MSRA: variants seen among roughly 807,000 people sequenced by gnomAD.
MSRA encodes the protein methionine sulfoxide reductase A.
Under a neutral mutation model 31.3 loss-of-function variants are expected in MSRA, and 54 were observed. The observed-to-expected ratio is 1.73, with a 90% CI of 1.39 to 2.17. The LOEUF is 2.17. MSRA is among the 30% of genes most tolerant of loss of function. MSRA has a pLI of 0.00. For synonymous variants in MSRA, 169 were observed against 116.5 expected, an observed-to-expected ratio of 1.45 and a Z score of -2.90; for missense variants, 507 against 300.9, an observed-to-expected ratio of 1.69 and a Z score of -5.07.
intron 5 of MSRA, among the ~76,000 whole-genome samples, chr8:10,347,482 G>A (rs148123497): frequency 8.5e-4 from 130 of 152,278 alleles, no homozygotes; most frequent in Non-Finnish European, 1.6e-3. Flanking sequence ...GCAGCTATCA[G>A]TGGGTCCCCA....
At chr8:10,073,704 A>C (rs1797852706) in intron 1 of MSRA, among the ~76,000 whole-genome samples, 1 of 152,102 alleles carries the variant, frequency 6.6e-6, no homozygotes, top group South Asian at 2.1e-4. Context: ...GGGAGGATGG[A>C]TAGATGTAGA....
intron 5 of MSRA, among the ~76,000 whole-genome samples, chr8:10,331,817 C>T (rs1397234411): frequency 3.3e-5 from 5 of 152,148 alleles, no homozygotes; most frequent in Admixed American, 2.6e-4. Context: ...TAATACAATG[C>T]ACATACTATT....
chr8:10,202,764 G>A (rs567248355), intron 1 of MSRA, among the ~76,000 whole-genome samples: 4 of 152,184 alleles, frequency 2.6e-5, no homozygotes, highest in Admixed American at 2.6e-4. Context: ...GTTATGTACT[G>A]GACACTGTTC....
At chr8:10,278,409 G>A (rs1323560186) in intron 3 of MSRA, among the ~76,000 whole-genome samples, 2 of 152,228 alleles carry the variant, frequency 1.3e-5, no homozygotes, top group African/African-American at 2.4e-5. Flanking sequence ...TCTTGTTCAT[G>A]TAACAACCAA....
chr8:10,315,431 G>A (rs1427882891), intron 4 of MSRA, among the ~76,000 whole-genome samples: 1 of 152,174 alleles, frequency 6.6e-6, no homozygotes, highest in Non-Finnish European at 1.5e-5. Flanking sequence ...CATTAGTGGT[G>A]GTGATGTGAG....
intron 5 of MSRA, among the ~76,000 whole-genome samples, chr8:10,390,854 T>C (rs1382484198): frequency 6.6e-6 from 1 of 152,070 alleles, no homozygotes; most frequent in East Asian, 1.9e-4. Flanking sequence ...CAGGCGCCTG[T>C]AGTCCCACCT....
chr8:10,296,484 C>T (rs999097647), intron 3 of MSRA, among the ~76,000 whole-genome samples: 7 of 152,108 alleles, frequency 4.6e-5, no homozygotes, highest in Middle Eastern at 3.2e-3. Flanking sequence ...GTAGGACACC[C>T]GGGATCACAG....
At chr8:10,275,998 G>C (rs1799300419) in intron 3 of MSRA, among the ~76,000 whole-genome samples, 1 of 152,230 alleles carries the variant, frequency 6.6e-6, no homozygotes, top group African/African-American at 2.4e-5. Flanking sequence ...GGGGGTTTAA[G>C]TTCCTTCTGT....
chr8:10,428,388 A>G lies in MSRA; in HGVS notation c.*76A>G. On this transcript the variant is annotated 3_prime_UTR_variant, in exon 6 of 6. Coordinates refer to ENST00000317173, the MANE Select transcript of MSRA (RefSeq NM_012331.5). ...AAATTGGGCAATGCTTGTGTGATTC[A>G]CAATCGTGGCATTTAAAGTGCACAA... The G allele has an allele frequency of 6.7e-7, 1 of 1,481,918 alleles. No homozygotes were observed. The highest frequency in any genetic ancestry group is 9.3e-7 in the Non-Finnish European group (1 of 1,078,408). The allele number at this position is 1,481,918 out of a possible 1,614,324, so 91.8% of individuals were successfully genotyped here.
At chr8:10,182,747 G>C (rs1324625983) in intron 1 of MSRA, among the ~76,000 whole-genome samples, 2 of 152,166 alleles carry the variant, frequency 1.3e-5, no homozygotes, top group Admixed American at 6.5e-5. Context: ...GCCACACCCA[G>C]TTTTTTGTCA....
At chr8:10,229,239 C>CT (rs66944685) in intron 2 of MSRA, among the ~76,000 whole-genome samples, 1 of 52,224 alleles carries the variant, frequency 1.9e-5, no homozygotes, top group Non-Finnish European at 1.1e-4. Context: ...TGATACTGAG[C>CT]AGGAGATGGT....
At chr8:10,213,966 G>A (rs747631386) in intron 2 of MSRA, among the ~76,000 whole-genome samples, 105 of 152,228 alleles carry the variant, frequency 6.9e-4, no homozygotes, top group Non-Finnish European at 6.9e-4. Flanking sequence ...TTGATACCAA[G>A]CAGCAACAGC....
intron 1 of MSRA, among the ~76,000 whole-genome samples, chr8:10,139,004 G>A (rs1461138278): frequency 6.6e-6 from 1 of 152,150 alleles, no homozygotes; most frequent in Non-Finnish European, 1.5e-5. Context: ...CTCTGTGTTG[G>A]GTGTTACATT....
intron 3 of MSRA, chr8:10,250,491 A>G (rs1226365237): frequency 1.4e-6 from 1 of 701,986 alleles, no homozygotes. Context: ...GCCAAGTGGC[A>G]CTGAATCCAG....
chr8:10,392,694 T>G (rs367940818), intron 5 of MSRA, among the ~76,000 whole-genome samples: 1 of 131,280 alleles, frequency 7.6e-6, no homozygotes, highest in Non-Finnish European at 1.7e-5. Context: ...TTTTTTTTTT[T>G]AAATCTATGA....
intron 1 of MSRA, among the ~76,000 whole-genome samples, chr8:10,146,321 G>A (rs1355105886): frequency 6.6e-6 from 1 of 152,202 alleles, no homozygotes. Context: ...TGCAGTGTGG[G>A]TAGAATTTTA....
At chr8:10,104,067 G>C (rs923493542) in intron 1 of MSRA, among the ~76,000 whole-genome samples, 1 of 152,130 alleles carries the variant, frequency 6.6e-6, no homozygotes, top group South Asian at 2.1e-4. Context: ...TATTGCTAAT[G>C]TGGGTATGAG....
chr8:10,145,790 A>C (rs1353519783), intron 1 of MSRA, among the ~76,000 whole-genome samples: 1 of 152,180 alleles, frequency 6.6e-6, no homozygotes, highest in African/African-American at 2.4e-5. Flanking sequence ...AAAATTACAC[A>C]CATACACACA....
rs1233083967 is a variant in MSRA at position 10,171,582 on chromosome 8, C to G, written c.143-36251C>G. ...TTTTTAATTTGTCAGCATTGCCCTT[C>G]CCTCAGTGACCAAGTTGCTGCACAT... On this transcript the variant is annotated intron_variant, in intron 1 of 5. Coordinates refer to ENST00000317173, the MANE Select transcript of MSRA (RefSeq NM_012331.5). 5.3e-5 allele frequency among the ~76,000 whole-genome samples: 8 copies of G among 152,296 alleles called. No homozygotes were observed. In the South Asian group the frequency reaches 1.2e-3, roughly 24 times the overall value.
Sources: allele counts gnomAD v4.1 joint callset (sites outside exome capture counted in the v4.1 genomes callset), GRCh38; gene constraint gnomAD v4.1.1; transcripts MANE v1.5; gene names NCBI Gene and HGNC (gene_info 2026-07-23, HGNC 2026-07-21).